The following EPB42 variants were observed in gnomAD, a reference collection of about 807,000 sequenced individuals.
EPB42 encodes protein 4.2.
In EPB42, 49 loss-of-function variants were observed where a neutral mutation model predicts 76.9. That is an observed-to-expected ratio of 0.64 (90% CI 0.51 to 0.81). EPB42 has a LOEUF of 0.81. EPB42 is among the 30% of genes least tolerant of loss of function. EPB42 has a pLI of 0.00. For missense variants in EPB42, 731 were observed against 867.6 expected (o/e 0.84, Z 1.98); for synonymous variants, 310 against 338.4 (o/e 0.92, Z 0.92).
chr15:43,215,220 CAGG>C lies in EPB42; in HGVS notation c.302_304del (p.Ser101del), dbSNP rs766031083. The stretch of plus-strand genomic sequence containing the variant: ...CGCAGGTGTGGTCACAGAGATGGTC[CAGG>C]ACTGGGCATCTCTCTCCTCCACCAC... On this transcript the variant is annotated inframe_deletion, in exon 3 of 13. Transcript: ENST00000441366. 2 of 1,614,168 alleles carry C rather than the reference CAGG, an allele frequency of 1.2e-6. No individual in the cohort carries two copies. The highest frequency in any genetic ancestry group is 1.7e-6 in the Non-Finnish European group (2 of 1,180,030).
rs772512586 is a variant in EPB42 at position 43,206,465 on chromosome 15, C to T, written c.1483G>A (p.Val495Met). Residue 495 changes from valine to methionine, a missense_variant, in exon 10 of 13, where the codon GTG becomes ATG. Coordinates refer to ENST00000441366, the MANE Select transcript of EPB42 (RefSeq NM_001114134.2). This position sits in a 1 kb window ranked among gnomAD's most constrained non-coding sequence, Gnocchi z 4.7. The part of the protein sequence containing the change: ...LPLRGDAQIS[V>M]TLVNHSEQEK... Reference sequence around the variant, plus strand: ...TGCTCACTGTGATTAACCAGCGTCACTGAGATCTGGGCATCCCCTCTCAGG... The same window carrying T: ...TGCTCACTGTGATTAACCAGCGTCATTGAGATCTGGGCATCCCCTCTCAGG... 1.2e-6 allele frequency: 2 copies of T among 1,614,236 alleles called. No individual in the cohort carries two copies. Among genetic ancestry groups the T allele is most frequent in the Non-Finnish European group, 1.7e-6 (2 of 1,180,042 alleles).
At position 43,210,450 on chromosome 15, in the gene EPB42, T is replaced by A. The variant is rs2042277143; in HGVS notation, c.550-11A>T. On this transcript the variant is annotated splice_polypyrimidine_tract_variant and intron_variant, in intron 4 of 12. Coordinates refer to ENST00000441366, the MANE Select transcript of EPB42 (RefSeq NM_001114134.2). The stretch of plus-strand genomic sequence containing the variant: ...GACATCCCCCTCGAACTGTTAAGGA[T>A]CACACAGGGCCATGATGAAGGGTCC... 1 of 1,612,604 alleles carries A rather than the reference T, an allele frequency of 6.2e-7. No individual in the cohort carries two copies. The highest frequency in any genetic ancestry group is 1.3e-5 in the African/African-American group (1 of 74,988).
intron 8 of EPB42, among the ~76,000 whole-genome samples, 171 bp downstream of exon 8, chr15:43,208,059 A>G (rs537763523): frequency 6.6e-6 from 1 of 152,204 alleles, no homozygotes; most frequent in South Asian, 2.1e-4. Context: ...CTCTATTCCC[A>G]TGAGCCCACT....
At chr15:43,218,769 T>C (rs1325817150) in intron 1 of EPB42, among the ~76,000 whole-genome samples, 2 of 152,240 alleles carry the variant, frequency 1.3e-5, no homozygotes, top group African/African-American at 4.8e-5. Context: ...TTCTGCATTC[T>C]TTAGGTCTGC....
In EPB42 at chr15:43,215,149, T is replaced by A. The variant is rs148922769; in HGVS notation, c.376A>T (p.Arg126Trp). 5.1e-5 allele frequency: 82 copies of A among 1,614,132 alleles called. No homozygotes were observed. The highest frequency in any genetic ancestry group is 6.5e-5 in the Non-Finnish European group (77 of 1,180,054). The change falls in exon 3 of 13, where the codon AGG becomes TGG. Residue 126 changes from arginine (R) to tryptophan (W), a missense_variant. By Grantham distance (101) the Arg-to-Trp change is moderately radical. Transcript: ENST00000441366. Reference protein sequence around the residue: ...HYSLLLQVSGRKQLLLGQFTL... With the variant: ...HYSLLLQVSGWKQLLLGQFTL... ...AACTGACCCAAGAGGAGTTGCTTCC[T>A]GCCTGAGACCTGCAGCAGAAGCGAG...
intron 5 of EPB42, chr15:43,209,734 C>T (rs147060382): frequency 3.0e-4 from 124 of 408,142 alleles, no homozygotes; most frequent in African/African-American, 1.9e-3. Context: ...CTGGTTTCAC[C>T]GGTTCTTAGT....
chr15:43,201,202 C>G (rs1408440511), intron 12 of EPB42, among the ~76,000 whole-genome samples: 1 of 152,164 alleles, frequency 6.6e-6, no homozygotes, highest in Non-Finnish European at 1.5e-5. Flanking sequence ...TGGAGGCACT[C>G]TGGGTGCCCA....
intron 12 of EPB42, among the ~76,000 whole-genome samples, chr15:43,198,165 C>A (rs1308653961): frequency 6.6e-6 from 1 of 152,084 alleles, no homozygotes; most frequent in Non-Finnish European, 1.5e-5. Flanking sequence ...TGAAAAGATA[C>A]CCGAAAATGT....
chr15:43,198,105 C>T (rs535312801), intron 12 of EPB42, among the ~76,000 whole-genome samples: 13 of 152,220 alleles, frequency 8.5e-5, no homozygotes, highest in Admixed American at 5.9e-4. Flanking sequence ...TTATCAGCAG[C>T]GTGAAAACAA....
intron 3 of EPB42, among the ~76,000 whole-genome samples, chr15:43,214,290 C>T (rs1045310035): frequency 2.0e-5 from 3 of 152,104 alleles, no homozygotes; most frequent in African/African-American, 7.2e-5. Context: ...CATTTCTAGA[C>T]GACACAGCTC....
rs1187415162 is a variant in EPB42, at chr15:43,211,492, T to G, written c.473A>C (p.Tyr158Ser). The change falls in exon 4 of 13, where the codon TAC becomes TCC. Residue 158 changes from tyrosine (Y) to serine (S), a missense_variant. Transcript: ENST00000441366. ...GATGAGACCATTCTGGTTCAACAAG[T>G]ACTCCATGCGCTGAGCCTCATTCTT... ...FLKNEAQRMEYLLNQNGLIYL... is the reference protein window; with the variant it reads ...FLKNEAQRMESLLNQNGLIYL... 1.9e-6 allele frequency: 3 copies of G among 1,614,074 alleles called. No homozygotes were observed. Among genetic ancestry groups the G allele is most frequent in the Non-Finnish European group, 2.5e-6 (3 of 1,179,908 alleles).
rs114600356 is a variant in EPB42, at chr15:43,215,324, C to T, written c.201G>A (p.Glu67=). 56 of 1,614,220 alleles carry T rather than the reference C, an allele frequency of 3.5e-5. 1 individual carries two copies. The South Asian group carries it at 4.9e-4, about 14-fold the overall frequency. Residue 67 remains glutamate (E), a synonymous_variant, in exon 3 of 13, where the codon GAG becomes GAA. Coordinates refer to ENST00000441366, the MANE Select transcript of EPB42 (RefSeq NM_001114134.2). The part of the protein sequence containing the change: ...KKVALTAQTG[E]QPSKINRTQA... ...GGGTCCTGTTGATCTTGGAAGGCTG[C>T]TCTCCTGTAGTCACACGGTGATTAG...
chr15:43,203,318 T>A (rs773757281), intron 10 of EPB42, 43 bp from the exon 11 acceptor site: 1 of 1,612,870 alleles, frequency 6.2e-7, no homozygotes, highest in Non-Finnish European at 8.5e-7. Context: ...CAGGTGTATG[T>A]ACCCCAGAAA....
chr15:43,211,877 G>A (rs866424909), intron 3 of EPB42, among the ~76,000 whole-genome samples: 1 of 151,426 alleles, frequency 6.6e-6, no homozygotes, highest in South Asian at 2.1e-4. Context: ...ACCAGCCTGG[G>A]CAACACAGCA....
At chr15:43,215,844 C>T (rs757356509) in intron 2 of EPB42, among the ~76,000 whole-genome samples, 17 of 152,258 alleles carry the variant, frequency 1.1e-4, no homozygotes, top group Admixed American at 2.6e-4. Flanking sequence ...TTATAGGCCA[C>T]CATGCCTGGC....
In EPB42 at chr15:43,206,425, T is replaced by C; in HGVS notation, c.1523A>G (p.Gln508Arg). 2 of 1,614,204 alleles carry C rather than the reference T, an allele frequency of 1.2e-6. No homozygotes were observed. The highest frequency in any genetic ancestry group is 1.7e-6 in the Non-Finnish European group (2 of 1,180,034). Residue 508 changes from glutamine (Q) to arginine (R), a missense_variant, in exon 10 of 13, where the codon CAG becomes CGG. Physicochemically the swap from Gln to Arg is conservative, Grantham distance 43 (BLOSUM62 1). Transcript: ENST00000441366. The surrounding 1 kb of genome is among the most constrained non-coding windows in gnomAD (Gnocchi z 4.7). The stretch of plus-strand genomic sequence containing the variant: ...TACAGCCTGGACCCCAATTGCCAGC[T>C]GCACTGCCTTCTCCTGCTCACTGTG... Reference protein sequence around the residue: ...VNHSEQEKAVQLAIGVQAVHY... With the variant: ...VNHSEQEKAVRLAIGVQAVHY...
In EPB42 at chr15:43,203,014, T is replaced by G; in HGVS notation, c.1779+101A>C. On this transcript the variant is annotated intron_variant, in intron 11 of 12. Coordinates refer to ENST00000441366, the MANE Select transcript of EPB42 (RefSeq NM_001114134.2). ...TTAAATGTAGCATTTTCTGGTAATC[T>G]TGCAGCACAGTCATCTGCTCTGAAG... The G allele has an allele frequency of 5.6e-6, 8 of 1,432,604 alleles. No homozygotes were observed. The South Asian group carries it at 9.2e-5, about 16-fold the overall frequency. The allele number at this position is 1,432,604 out of a possible 1,614,324, so 88.7% of individuals were successfully genotyped here.
At chr15:43,207,153 G>A in intron 9 of EPB42, 46 bp downstream of exon 9, 3 of 1,612,452 alleles carry the variant, frequency 1.9e-6, no homozygotes, top group Non-Finnish European at 2.5e-6. Flanking sequence ...TCCCTCGCTT[G>A]CCGTTTCAGG....
Position 43,197,289 on chromosome 15 carries a change from T to TA in EPB42, c.*12dup. The TA allele has an allele frequency of 1.2e-6, 2 of 1,614,168 alleles. No homozygotes were observed. The highest frequency in any genetic ancestry group is 1.7e-6 in the Non-Finnish European group (2 of 1,180,024). ...ACAAGGGTTGGCAGGAGAGTGGTGA[T>TA]AGAGCTGGAAGTTTAAGCTGATAGT... On this transcript the variant is annotated 3_prime_UTR_variant, in exon 13 of 13. Coordinates refer to ENST00000441366, the MANE Select transcript of EPB42 (RefSeq NM_001114134.2).
Sources: allele counts gnomAD v4.1 joint callset (sites outside exome capture counted in the v4.1 genomes callset), GRCh38; gene constraint gnomAD v4.1.1; non-coding constraint Gnocchi (gnomAD v3.1); transcripts MANE v1.5; gene names NCBI Gene and HGNC (gene_info 2026-07-23, HGNC 2026-07-21).